ZNF831: variants seen among roughly 807,000 people sequenced by gnomAD.
ZNF831 encodes zinc finger protein 831, also known as chromosome 20 open reading frame 174.
In ZNF831, 59 loss-of-function variants were observed where a neutral mutation model predicts 95.8. The ratio of observed to expected loss-of-function variants is 0.62; its 90% CI spans 0.50 to 0.77. The LOEUF (loss-of-function observed/expected upper bound fraction) is 0.77. ZNF831 is among the 30% of genes least tolerant of loss of function. The pLI is 0.00. For missense variants in ZNF831, 2,205 were observed against 2,164.0 expected (o/e 1.02, Z -0.38); for synonymous variants, 961 against 925.5 (o/e 1.04, Z -0.70).
At chr20:59,142,881 G>A (rs1979725588) in intron 1 of ZNF831, among the ~76,000 whole-genome samples, 1 of 152,146 alleles carries the variant, frequency 6.6e-6, no homozygotes, top group African/African-American at 2.4e-5. Context: ...ACTCCTTGAA[G>A]TCAGGGACTG....
intron 4 of ZNF831, among the ~76,000 whole-genome samples, chr20:59,251,228 T>G (rs1987871314): frequency 6.6e-6 from 1 of 152,098 alleles, no homozygotes; most frequent in South Asian, 2.1e-4. Context: ...ATGATTCAGA[T>G]TGAAAGAATT....
intron 1 of ZNF831, among the ~76,000 whole-genome samples, chr20:59,170,987 G>C (rs572022449): frequency 1.4e-4 from 22 of 152,352 alleles, no homozygotes; most frequent in African/African-American, 5.3e-4. Flanking sequence ...CAGAAAGACA[G>C]TGTGCCGGCT....
intron 1 of ZNF831, among the ~76,000 whole-genome samples, chr20:59,178,370 C>A (rs947840981): frequency 1.1e-4 from 17 of 152,348 alleles, no homozygotes; most frequent in African/African-American, 4.1e-4. Context: ...AGTGAGGAAC[C>A]TCTTCAGAGG....
Position 59,256,817 on chromosome 20 carries a change from C to T in ZNF831, c.*2074C>T, listed in dbSNP as rs1477828065. ...TGAAGAACCTGAGCCTGAAGAAGCT[C>T]CATCTAATTTTTTCCCCAGAGTTCC... On this transcript the variant is annotated 3_prime_UTR_variant, in exon 6 of 6. Transcript: ENST00000371030. 1 of 152,258 alleles carries T rather than the reference C, an allele frequency of 6.6e-6. No individual in the cohort carries two copies. Among genetic ancestry groups the T allele is most frequent in the Non-Finnish European group, 1.5e-5 (1 of 68,080 alleles). 9.4% of individuals were successfully genotyped at this position (152,258 alleles called of 1,614,324 possible).
At chr20:59,149,424 GGC>G (rs1455128213) in intron 2 of ZNF831, among the ~76,000 whole-genome samples, 2 of 152,170 alleles carry the variant, frequency 1.3e-5, no homozygotes, top group East Asian at 3.9e-4. Context: ...CCATGTGGTT[GGC>G]GCCTTCCCCA....
chr20:59,218,521 G>T (rs1985856469), intron 4 of ZNF831, among the ~76,000 whole-genome samples: 1 of 152,032 alleles, frequency 6.6e-6, no homozygotes, highest in South Asian at 2.1e-4. Context: ...TCTGCAGGTG[G>T]GTGTGTTCGT....
In ZNF831 at chr20:59,255,872, A is replaced by G. The variant is rs983026968; in HGVS notation, c.*1129A>G. The G allele has an allele frequency of 3.9e-5, 6 of 152,182 alleles. No individual in the cohort carries two copies. The highest frequency in any genetic ancestry group is 1.4e-4 in the African/African-American group (6 of 41,446). 9.4% of individuals were successfully genotyped at this position (152,182 alleles called of 1,614,324 possible). A position where few individuals can be genotyped will look rare whatever the true frequency, so the allele number is the denominator to read the frequency against. ...ACAGAGAAAATTCCCCAGTATTCCA[A>G]GCCGGTGCGCCCCTGTGCAGAAGAA... On this transcript the variant is annotated 3_prime_UTR_variant, in exon 6 of 6. Transcript: ENST00000371030.
At chr20:59,230,162 C>T (rs1180546233) in intron 4 of ZNF831, among the ~76,000 whole-genome samples, 5 of 152,110 alleles carry the variant, frequency 3.3e-5, no homozygotes, top group Non-Finnish European at 5.9e-5. Context: ...CTAAATCATA[C>T]GTTGGCAAAC....
At chr20:59,126,341 C>T (rs1979170708) in intron 1 of ZNF831, among the ~76,000 whole-genome samples, 1 of 152,154 alleles carries the variant, frequency 6.6e-6, no homozygotes, top group Non-Finnish European at 1.5e-5. Context: ...GAAGTGCTGG[C>T]TTCTGTGACT....
At position 59,257,869 on chromosome 20, in the gene ZNF831, A is replaced by G. The variant is rs998746756; in HGVS notation, c.*3126A>G. The G allele has an allele frequency of 2.0e-5, 3 of 152,168 alleles. No individual in the cohort carries two copies. Among genetic ancestry groups the G allele is most frequent in the African/African-American group, 7.2e-5 (3 of 41,428 alleles). 9.4% of individuals were successfully genotyped at this position (152,168 alleles called of 1,614,324 possible). A position where few individuals can be genotyped will look rare whatever the true frequency, so the allele number is the denominator to read the frequency against. On this transcript the variant is annotated 3_prime_UTR_variant, in exon 6 of 6. Transcript: ENST00000371030. ...CCAATATCAAAAGTGACATTTCCCC[A>G]TGATGTTCAAGACTCACCAGGTTTC...
chr20:59,221,168 C>T (rs958912094), intron 4 of ZNF831, among the ~76,000 whole-genome samples: 1 of 152,118 alleles, frequency 6.6e-6, no homozygotes, highest in Non-Finnish European at 1.5e-5. Context: ...TGAATTTTCC[C>T]CCCAGGTCTG....
intron 4 of ZNF831, among the ~76,000 whole-genome samples, chr20:59,225,220 G>T (rs995069672): frequency 2.0e-5 from 3 of 152,138 alleles, no homozygotes; most frequent in Non-Finnish European, 4.4e-5. Flanking sequence ...ACTTAACGTG[G>T]TTTACTCTGG....
Position 59,192,424 on chromosome 20 carries a change from C to T in ZNF831, c.1405C>T (p.Pro469Ser). 6.2e-7 allele frequency: 1 copy of T among 1,610,028 alleles called. No homozygotes were observed. Among genetic ancestry groups the T allele is most frequent in the Non-Finnish European group, 8.5e-7 (1 of 1,178,522 alleles). Residue 469 changes from proline (P) to serine (S), a missense_variant, in exon 2 of 6, where the codon CCC becomes TCC. Pro to Ser is a moderately conservative substitution (Grantham distance 74). Coordinates refer to ENST00000371030, the MANE Select transcript of ZNF831 (RefSeq NM_178457.3). This position sits in a 1 kb window ranked among gnomAD's most constrained non-coding sequence, Gnocchi z 5.2. The part of the protein sequence containing the change: ...LEPGRRRAPG[P>S]VRSTWTPPDK... Reference sequence around the variant, plus strand: ...GCCAGGCCGTAGGAGGGCCCCGGGCCCCGTGCGCTCCACCTGGACGCCCCC... The same window carrying T: ...GCCAGGCCGTAGGAGGGCCCCGGGCTCCGTGCGCTCCACCTGGACGCCCCC...
At chr20:59,202,121 G>A (rs1026654648) in intron 3 of ZNF831, among the ~76,000 whole-genome samples, 4 of 151,992 alleles carry the variant, frequency 2.6e-5, no homozygotes, top group Non-Finnish European at 5.9e-5. Flanking sequence ...GGTAAATCTG[G>A]TTACTTTTGC....
rs377673770 is a variant in ZNF831, at chr20:59,208,876, C to A, written c.4027+1820C>A. Among the ~76,000 whole-genome samples, 17 of 152,108 alleles carry A rather than the reference C, an allele frequency of 1.1e-4. No individual in the cohort carries two copies. In the East Asian group the frequency reaches 2.5e-3, roughly 23 times the overall value. On this transcript the variant is annotated intron_variant, in intron 4 of 5. Transcript: ENST00000371030. This position sits in a 1 kb window ranked among gnomAD's most constrained non-coding sequence, Gnocchi z 4.2. Reference sequence around the variant, plus strand: ...GAATCAGCCAGAGCTCTGCCAGTTGCCCCCATGGAGGAGCTTACCACCAGC... The same window carrying A: ...GAATCAGCCAGAGCTCTGCCAGTTGACCCCATGGAGGAGCTTACCACCAGC...
chr20:59,222,418 C>A (rs1364927455), intron 4 of ZNF831, among the ~76,000 whole-genome samples: 1 of 152,086 alleles, frequency 6.6e-6, no homozygotes, highest in Non-Finnish European at 1.5e-5. Flanking sequence ...AAAGCCCGGG[C>A]CCCCTCCGCC....
chr20:59,140,605 T>A (rs1979648710), intron 1 of ZNF831, among the ~76,000 whole-genome samples: 1 of 152,194 alleles, frequency 6.6e-6, no homozygotes, highest in East Asian at 1.9e-4. Flanking sequence ...TTTCCTCCAA[T>A]GCTAACGTCT....
chr20:59,141,950 T>C (rs1979695624), intron 1 of ZNF831, among the ~76,000 whole-genome samples: 1 of 152,170 alleles, frequency 6.6e-6, no homozygotes, highest in South Asian at 2.1e-4. Flanking sequence ...GGAAGAGCAC[T>C]CTGTGGTGAA....
rs560067526 is a variant in ZNF831 at position 59,170,296 on chromosome 20, A to G, written c.-37+6089A>G. 3.3e-5 allele frequency among the ~76,000 whole-genome samples: 5 copies of G among 152,256 alleles called. No homozygotes were observed. The East Asian group carries it at 5.8e-4, about 18-fold the overall frequency. On this transcript the variant is annotated intron_variant, in intron 1 of 5. Coordinates refer to ENST00000371030, the MANE Select transcript of ZNF831 (RefSeq NM_178457.3). The stretch of plus-strand genomic sequence containing the variant: ...TAGTGCTATAAATTTCCCTCCCAGC[A>G]CTGCTTTAGCTATGTGCCACAAATT...
Sources: allele counts gnomAD v4.1 joint callset (sites outside exome capture counted in the v4.1 genomes callset), GRCh38; gene constraint gnomAD v4.1.1; non-coding constraint Gnocchi (gnomAD v3.1); transcripts MANE v1.5; gene names NCBI Gene and HGNC (gene_info 2026-07-23, HGNC 2026-07-21).